DNAH17: variants seen among roughly 807,000 people sequenced by gnomAD.
The protein encoded by DNAH17 is dynein axonemal heavy chain 17, also known as axonemal beta dynein heavy chain 17.
A neutral mutation model predicts 485.6 loss-of-function variants in DNAH17; 376 were observed. That is an observed-to-expected ratio of 0.77 (90% confidence interval 0.71 to 0.84). The LOEUF (loss-of-function observed/expected upper bound fraction) is 0.84, where lower values mean the gene tolerates loss of function less well. Ranked by LOEUF, DNAH17 falls within the 40% of genes least tolerant of loss-of-function variation. The pLI is 0.00. For synonymous variants in DNAH17, 3,031 were observed against 2,405.9 expected (o/e 1.26, Z -7.60); for missense variants, 6,370 against 5,839.3 (o/e 1.09, Z -2.96).
At chr17:78,562,684 TTA>T (rs1476490249) in intron 11 of DNAH17, among the ~76,000 whole-genome samples, 1 of 152,184 alleles carries the variant, frequency 6.6e-6, no homozygotes, top group East Asian at 1.9e-4. Flanking sequence ...AACGTTGCAT[TTA>T]TATACCTGGG....
In DNAH17 at chr17:78,470,403, A is replaced by G. The variant is rs1214898306; in HGVS notation, c.8512-1520T>C. 4.0e-5 allele frequency among the ~76,000 whole-genome samples: 6 copies of G among 150,630 alleles called. No individual in the cohort carries two copies. In the South Asian group the frequency reaches 1.1e-3, roughly 27 times the overall value. On this transcript the variant is annotated intron_variant, in intron 54 of 80. Coordinates refer to ENST00000389840, the MANE Select transcript of DNAH17 (RefSeq NM_173628.4). ...ATTTGTCTTAGAAAAAAAAATTAAA[A>G]AACAGGCCGGGCACGGTGGCTCACA...
intron 73 of DNAH17, among the ~76,000 whole-genome samples, 195 bp from the exon 74 acceptor site, chr17:78,438,063 C>T (rs577477672): frequency 2.2e-4 from 33 of 152,238 alleles, no homozygotes; most frequent in African/African-American, 6.7e-4. Flanking sequence ...ATGTCTTCGG[C>T]GAAGCAACTG....
At chr17:78,545,940 G>A (rs2091750127) in intron 16 of DNAH17, among the ~76,000 whole-genome samples, 2 of 151,604 alleles carry the variant, frequency 1.3e-5, no homozygotes, top group Non-Finnish European at 2.9e-5. Flanking sequence ...ATGCAAGGAT[G>A]TATATATGTC....
chr17:78,505,359 G>A lies in DNAH17; in HGVS notation c.4890C>T (p.Gly1630=). 6.2e-7 allele frequency: 1 copy of A among 1,613,904 alleles called. No individual in the cohort carries two copies. The highest frequency in any genetic ancestry group is 1.3e-5 in the African/African-American group (1 of 74,998). Residue 1630 remains glycine, a synonymous_variant, in exon 31 of 81, where the codon GGC becomes GGT. Transcript: ENST00000389840. ...CGTCCTCCTTGCTGTACATTCCCAG[G>A]CCCACCTTGAGAGGTTTGTCACTGG... The part of the protein sequence containing the change: ...LDASDKPLKV[G]LGMYSKEDEY...
At chr17:78,493,742 G>A (rs868604764) in intron 41 of DNAH17, among the ~76,000 whole-genome samples, 14 of 152,226 alleles carry the variant, frequency 9.2e-5, no homozygotes, top group African/African-American at 3.4e-4. Flanking sequence ...GGGTTGGGCC[G>A]GCCACAGGGA....
intron 76 of DNAH17, 148 bp from the exon 77 acceptor site, chr17:78,428,855 G>GC (rs1449885976): frequency 5.1e-6 from 5 of 983,128 alleles, no homozygotes; most frequent in Non-Finnish European, 6.0e-6. Context: ...TTTGTGGGCT[G>GC]CCCCCTGTGC....
At chr17:78,562,899 C>G (rs763463766) in intron 11 of DNAH17, among the ~76,000 whole-genome samples, 6 of 152,140 alleles carry the variant, frequency 3.9e-5, no homozygotes, top group Non-Finnish European at 7.4e-5. Context: ...GAAACAGGGT[C>G]CCCCAGTGCT....
intron 64 of DNAH17, among the ~76,000 whole-genome samples, chr17:78,454,064 C>T (rs74001344): frequency 0.022 from 3,353 of 152,184 alleles, 116 homozygotes; most frequent in African/African-American, 0.073. Context: ...CATATCCACC[C>T]GCCATTGGAT....
chr17:78,480,581 G>A, intron 49 of DNAH17, 103 bp downstream of exon 49: 4 of 913,414 alleles, frequency 4.4e-6, no homozygotes, highest in Admixed American at 3.5e-5. Context: ...GAAAATGTCG[G>A]CCTGCAGCCC....
At chr17:78,476,205 C>T (rs2089008799) in intron 52 of DNAH17, among the ~76,000 whole-genome samples, 1 of 129,260 alleles carries the variant, frequency 7.7e-6, no homozygotes. Context: ...CTCACTCAGA[C>T]CCACAGCCAC....
Position 78,506,713 on chromosome 17 carries a change from C to T in DNAH17, c.4803+7G>A, listed in dbSNP as rs919900256. 8 of 1,613,674 alleles carry T rather than the reference C, an allele frequency of 5.0e-6. No individual in the cohort carries two copies. Among genetic ancestry groups the T allele is most frequent in the Admixed American group, 3.3e-5 (2 of 59,988 alleles). On this transcript the variant is annotated splice_region_variant and intron_variant, in intron 30 of 80. Transcript: ENST00000389840. ...TTAAACACCGGAATGCAAGGGGCCC[C>T]GCCTACCTCCACGGGGTCATTGCCA...
rs775199916 is a variant in DNAH17, at chr17:78,480,791, G to A, written c.7650-5C>T. 125 of 1,607,348 alleles carry A rather than the reference G, an allele frequency of 7.8e-5. 4 individuals are homozygous for A. The highest frequency in any genetic ancestry group is 4.3e-4 in the South Asian group (39 of 90,396). Reference sequence around the variant, plus strand: ...GTCAGCTTATGTCTGTCATACCTGAGGGGGGAAACCAGCATTCATGTTGTG... The same window carrying A: ...GTCAGCTTATGTCTGTCATACCTGAAGGGGGAAACCAGCATTCATGTTGTG... On this transcript the variant is annotated splice_polypyrimidine_tract_variant and splice_region_variant and intron_variant, in intron 48 of 80. Transcript: ENST00000389840.
At chr17:78,482,532 C>T (rs2146629935) in intron 48 of DNAH17, among the ~76,000 whole-genome samples, 1 of 152,318 alleles carries the variant, frequency 6.6e-6, no homozygotes, top group East Asian at 1.9e-4. Context: ...TAAATCACAG[C>T]CATCAATTTT....
intron 14 of DNAH17, among the ~76,000 whole-genome samples, chr17:78,555,543 C>CCAAAAAAAAAA (rs1555693737): frequency 2.6e-5 from 2 of 77,716 alleles, no homozygotes; most frequent in African/African-American, 1.1e-4. Flanking sequence ...GATTCCGTCA[C>CCAAAAAAAAAA]AAAAAAAAAA....
chr17:78,565,508 G>C (rs2092248964), intron 11 of DNAH17, among the ~76,000 whole-genome samples: 1 of 152,200 alleles, frequency 6.6e-6, no homozygotes, highest in Admixed American at 6.5e-5. Context: ...CCTCCTGAAA[G>C]ATGACCACCA....
Position 78,574,785 on chromosome 17 carries a change from G to T in DNAH17, c.273C>A (p.Asn91Lys), listed in dbSNP as rs1430127848. ...KTKSENINKD[N>K]YRARLLYGDI... ...CGCCGTAAAGGAGCCGGGCCCTGTA[G>T]TTGTCCTTGTTGATGTTCTCGGACT... Residue 91 changes from asparagine to lysine, a missense_variant, in exon 2 of 81, where the codon AAC (asparagine) becomes AAA (lysine). By Grantham distance (94) the Asn-to-Lys change is moderately conservative. Transcript: ENST00000389840. 2 of 1,613,890 alleles carry T rather than the reference G, an allele frequency of 1.2e-6. No individual in the cohort carries two copies. The highest frequency in any genetic ancestry group is 1.7e-5 in the Admixed American group (1 of 60,000).
At position 78,501,075 on chromosome 17, in the gene DNAH17, G is replaced by A. The variant is rs1005248865; in HGVS notation, c.5483+109C>T. On this transcript the variant is annotated intron_variant, in intron 35 of 80. Transcript: ENST00000389840. Reference sequence around the variant, plus strand: ...GAACACAGGTCCACCTGACGCAAATGCCCAGTCCTTCCAGCCTCCACAGCT... The same window carrying A: ...GAACACAGGTCCACCTGACGCAAATACCCAGTCCTTCCAGCCTCCACAGCT... 37 of 1,302,360 alleles carry A rather than the reference G, an allele frequency of 2.8e-5. No homozygotes were observed. The South Asian group carries it at 2.9e-4, about 10-fold the overall frequency. The allele number at this position is 1,302,360 out of a possible 1,614,324, so 80.7% of individuals were successfully genotyped here.
chr17:78,509,729 AG>A (rs1401500158), intron 27 of DNAH17, among the ~76,000 whole-genome samples: 20 of 151,608 alleles, frequency 1.3e-4, no homozygotes, highest in African/African-American at 4.6e-4. Flanking sequence ...CTGCGGAGTC[AG>A]AAGAAACAAC....
rs1375885356 is a variant in DNAH17 at position 78,486,318 on chromosome 17, T to C, written c.7007A>G (p.Lys2336Arg). The C allele has an allele frequency of 6.2e-7, 1 of 1,613,486 alleles. No homozygotes were observed. Among genetic ancestry groups the C allele is most frequent in the African/African-American group, 1.3e-5 (1 of 74,882 alleles). Residue 2336 changes from lysine (K) to arginine (R), a missense_variant, in exon 45 of 81, where the codon AAG becomes AGG. Lys to Arg is a conservative substitution (Grantham distance 26, BLOSUM62 2). Transcript: ENST00000389840. Reference sequence around the variant, plus strand: ...CCTGGGGGAGTCGGGGGGCACGGTCTTCTCCGTGAGCAGGCACTCCAGCAG... The same window carrying C: ...CCTGGGGGAGTCGGGGGGCACGGTCCTCTCCGTGAGCAGGCACTCCAGCAG... ...LYLLECLLTE[K>R]TVPPDSPREL...
Sources: allele counts gnomAD v4.1 joint callset (sites outside exome capture counted in the v4.1 genomes callset), GRCh38; gene constraint gnomAD v4.1.1; transcripts MANE v1.5; gene names NCBI Gene and HGNC (gene_info 2026-07-23, HGNC 2026-07-21).